Variants in ANKH observed in about 807,000 individuals in gnomAD.
ANKH encodes mineralization regulator ANKH.
ANKH carries 15 observed loss-of-function variants against 49.0 expected under a neutral mutation model. The ratio of observed to expected loss-of-function variants is 0.31; its 90% CI spans 0.20 to 0.47. ANKH has a LOEUF of 0.47. Among genes scored for constraint, ANKH ranks in the 20% least tolerant of loss-of-function variants. The pLI, the probability that ANKH is intolerant of heterozygous loss-of-function variation, is 1.00. For missense variants in ANKH, 429 were observed against 652.0 expected, an observed-to-expected ratio of 0.66 and a Z score of 3.72; for synonymous variants, 273 against 260.0, an observed-to-expected ratio of 1.05 and a Z score of -0.48.
In ANKH at chr5:14,786,105, G is replaced by A. The variant is rs536641762; in HGVS notation, c.97-16914C>T. ...CAGGGAGAAAAAGTAAAAAAATAACGTCTATTTTCTTTGTCTTTGATGGCA... is the reference window on the plus strand; with the variant it reads ...CAGGGAGAAAAAGTAAAAAAATAACATCTATTTTCTTTGTCTTTGATGGCA... On this transcript the variant is annotated intron_variant, in intron 1 of 11. Coordinates refer to ENST00000284268, the MANE Select transcript of ANKH (RefSeq NM_054027.6). Among the ~76,000 whole-genome samples, 21 of 146,846 alleles carry A rather than the reference G, an allele frequency of 1.4e-4. 1 individual carries two copies. The South Asian group carries it at 3.7e-3, about 26-fold the overall frequency.
At chr5:14,724,241 C>T (rs1737755173) in intron 8 of ANKH, among the ~76,000 whole-genome samples, 1 of 152,108 alleles carries the variant, frequency 6.6e-6, no homozygotes, top group African/African-American at 2.4e-5. Context: ...CACTTGAACC[C>T]AGGAGGCAGA....
intron 1 of ANKH, among the ~76,000 whole-genome samples, chr5:14,772,304 TAGGAAGAAATGTATTTAC>T (rs1739471648): frequency 6.6e-6 from 1 of 152,186 alleles, no homozygotes; most frequent in South Asian, 2.1e-4. Context: ...AAAGCACTGT[TAGGAAGAAATGTATTTAC>T]AGGAAAATAT....
At chr5:14,783,709 A>G (rs1030807092) in intron 1 of ANKH, among the ~76,000 whole-genome samples, 2 of 152,214 alleles carry the variant, frequency 1.3e-5, no homozygotes, top group African/African-American at 4.8e-5. Flanking sequence ...AAGGTTTTTC[A>G]CCTTAAATAG....
chr5:14,804,331 C>A (rs1740643549), intron 1 of ANKH, among the ~76,000 whole-genome samples: 1 of 152,228 alleles, frequency 6.6e-6, no homozygotes, highest in Admixed American at 6.5e-5. Context: ...GTCTTCGGAG[C>A]AGCCCTCCCA....
intron 1 of ANKH, among the ~76,000 whole-genome samples, chr5:14,810,923 A>G (rs1050144593): frequency 1.1e-4 from 17 of 152,196 alleles, no homozygotes; most frequent in African/African-American, 3.9e-4. Context: ...TCCAGATTCA[A>G]TGCTCTCATT....
chr5:14,792,769 G>A (rs1466279539), intron 1 of ANKH, among the ~76,000 whole-genome samples: 1 of 151,366 alleles, frequency 6.6e-6, no homozygotes, highest in Non-Finnish European at 1.5e-5. Flanking sequence ...GAGTTCAGGA[G>A]TTCGAGACCA....
intron 2 of ANKH, among the ~76,000 whole-genome samples, chr5:14,761,252 T>C (rs113662251): frequency 2.6e-5 from 4 of 152,280 alleles, no homozygotes; most frequent in African/African-American, 7.2e-5. Context: ...AACTGTGAAA[T>C]GCTCAATTTC....
At chr5:14,759,269 C>T (rs1179252719) in intron 2 of ANKH, among the ~76,000 whole-genome samples, 1 of 152,112 alleles carries the variant, frequency 6.6e-6, no homozygotes, top group South Asian at 2.1e-4. Context: ...GAATTTGTTA[C>T]CAGTGACTGG....
chr5:14,788,508 C>A (rs1307315137), intron 1 of ANKH, among the ~76,000 whole-genome samples: 2 of 152,178 alleles, frequency 1.3e-5, no homozygotes. Context: ...TGGTGCCAGG[C>A]AAATACACCA....
chr5:14,768,720 A>C (rs186908484), intron 2 of ANKH: 67 of 566,082 alleles, frequency 1.2e-4, no homozygotes, highest in Non-Finnish European at 1.4e-4. Flanking sequence ...TTATTCCTAG[A>C]TGTAATCGCC....
chr5:14,813,728 T>C (rs138578106), intron 1 of ANKH, among the ~76,000 whole-genome samples: 2 of 152,262 alleles, frequency 1.3e-5, no homozygotes, highest in Admixed American at 1.3e-4. Context: ...CAGCTCTACC[T>C]CTCAGCTCTC....
intron 1 of ANKH, among the ~76,000 whole-genome samples, chr5:14,815,114 A>C (rs1361481470): frequency 6.6e-6 from 1 of 152,166 alleles, no homozygotes; most frequent in African/African-American, 2.4e-5. Flanking sequence ...AACTGTGTAG[A>C]ATATTCTAGG....
intron 1 of ANKH, among the ~76,000 whole-genome samples, chr5:14,830,331 G>A (rs1420147557): frequency 6.6e-6 from 1 of 152,096 alleles, no homozygotes; most frequent in African/African-American, 2.4e-5. Flanking sequence ...CCCAGTACAC[G>A]CACCCACACA....
intron 3 of ANKH, among the ~76,000 whole-genome samples, chr5:14,757,432 T>A (rs55942009): frequency 0.054 from 5,863 of 107,994 alleles, 148 homozygotes; most frequent in African/African-American, 0.082. Flanking sequence ...ATATATATAT[T>A]TTTTTTTTTT....
intron 8 of ANKH, among the ~76,000 whole-genome samples, chr5:14,718,257 A>G (rs899407642): frequency 6.6e-5 from 10 of 151,996 alleles, no homozygotes; most frequent in African/African-American, 2.4e-4. Flanking sequence ...GGTGGGGGGT[A>G]CCTGGTTGAG....
chr5:14,865,020 G>A (rs1335349204), intron 1 of ANKH, among the ~76,000 whole-genome samples: 1 of 152,222 alleles, frequency 6.6e-6, no homozygotes. Flanking sequence ...CAGCACTTTG[G>A]GAGGCCGAGG....
chr5:14,859,453 A>G (rs1272519322), intron 1 of ANKH, among the ~76,000 whole-genome samples: 2 of 152,250 alleles, frequency 1.3e-5, no homozygotes, highest in Non-Finnish European at 2.9e-5. Flanking sequence ...TGAACATCAA[A>G]ATGATCAACA....
chr5:14,814,574 C>T (rs10054510), intron 1 of ANKH, among the ~76,000 whole-genome samples: 2,102 of 152,246 alleles, frequency 0.014, 44 homozygotes, highest in African/African-American at 0.048. Flanking sequence ...CCACTGCACT[C>T]CAGCCTGGGC....
intron 2 of ANKH, among the ~76,000 whole-genome samples, chr5:14,764,364 A>T (rs1310279650): frequency 6.6e-6 from 1 of 152,160 alleles, no homozygotes; most frequent in Non-Finnish European, 1.5e-5. Flanking sequence ...CACCACAGCC[A>T]TCTAAAAAAG....
Sources: gnomAD v4.1 joint callset for allele counts (sites outside exome capture counted in the v4.1 genomes callset) on GRCh38, gnomAD v4.1.1 for gene constraint, MANE v1.5 for transcripts, NCBI Gene and HGNC (gene_info 2026-07-23, HGNC 2026-07-21) for gene names.